Variants in STAC2 observed in about 807,000 individuals in gnomAD.
The protein encoded by STAC2 is SH3 and cysteine rich domain 2.
STAC2 carries 36 observed loss-of-function variants against 49.0 expected under a neutral mutation model. That is an observed-to-expected ratio of 0.74 (90% CI 0.56 to 0.97). The LOEUF (loss-of-function observed/expected upper bound fraction) is 0.97. Ranked by LOEUF, STAC2 falls within the 50% of genes least tolerant of loss-of-function variation. STAC2 has a pLI of 0.00. For synonymous variants in STAC2, 239 were observed against 214.7 expected (o/e 1.11, Z -0.99); for missense variants, 527 against 543.8 (o/e 0.97, Z 0.31).
At chr17:39,215,342 C>T in intron 4 of STAC2, 112 bp from the exon 5 acceptor site, 1 of 1,042,358 alleles carries the variant, frequency 9.6e-7, no homozygotes, top group Non-Finnish European at 1.4e-6. Flanking sequence ...CCTGTCCCTC[C>T]CAGGTCTTCC....
chr17:39,218,604 G>T lies in STAC2; in HGVS notation c.91-431C>A, dbSNP rs567236531. Among the ~76,000 whole-genome samples, 6 of 152,266 alleles carry T rather than the reference G, an allele frequency of 3.9e-5. No individual in the cohort carries two copies. The South Asian group carries it at 1.0e-3, about 26-fold the overall frequency. On this transcript the variant is annotated intron_variant, in intron 1 of 10. Coordinates refer to ENST00000333461, the MANE Select transcript of STAC2 (RefSeq NM_198993.5). ...AATTCCATTTTTCTTTGAAGAAATG[G>T]TAGTATACTATATTTCCTGTGCCTT... is the stretch of plus-strand genomic sequence containing the variant.
chr17:39,215,726 C>T (rs886823224), intron 4 of STAC2, among the ~76,000 whole-genome samples: 4 of 151,994 alleles, frequency 2.6e-5, no homozygotes, highest in Admixed American at 6.6e-5. Context: ...TTTTTCGAGA[C>T]GGAGTCTCGC....
intron 4 of STAC2, among the ~76,000 whole-genome samples, chr17:39,215,786 C>A (rs1297478128): frequency 6.6e-6 from 1 of 152,212 alleles, no homozygotes; most frequent in Non-Finnish European, 1.5e-5. Flanking sequence ...TTACTGCAAC[C>A]TCCGCCTCCT....
intron 1 of STAC2, among the ~76,000 whole-genome samples, chr17:39,219,132 C>T (rs1415341188): frequency 6.6e-6 from 1 of 152,126 alleles, no homozygotes; most frequent in Non-Finnish European, 1.5e-5. Flanking sequence ...AAAACTCTTC[C>T]TAGCTCCTCG....
chr17:39,213,088 C>A lies in STAC2; in HGVS notation c.1038G>T (p.Val346=). 1 of 1,612,924 alleles carries A rather than the reference C, an allele frequency of 6.2e-7. No homozygotes were observed. The highest frequency in any genetic ancestry group is 8.5e-7 in the Non-Finnish European group (1 of 1,180,028). Reference sequence around the variant, plus strand: ...CATTCTCGCCTGGCCTCACCCGTTGCACAAAATTAGCTGGGAAGAAGCCAA... The same window carrying A: ...CATTCTCGCCTGGCCTCACCCGTTGAACAAAATTAGCTGGGAAGAAGCCAA... ...DRVGFFPANF[V]QRVRPGENVW... The change falls in exon 10 of 11, where the codon GTG becomes GTT. Residue 346 remains valine, a synonymous_variant. Coordinates refer to ENST00000333461, the MANE Select transcript of STAC2 (RefSeq NM_198993.5).
At chr17:39,220,799 T>C (rs1485010570) in intron 1 of STAC2, among the ~76,000 whole-genome samples, 1 of 149,914 alleles carries the variant, frequency 6.7e-6, no homozygotes, top group Admixed American at 6.7e-5. Context: ...ATTTTACTTA[T>C]TTATTTATTT....
rs369647071 is a variant in STAC2 at position 39,217,073 on chromosome 17, C to T, written c.495+3G>A. 303 of 1,613,816 alleles carry T rather than the reference C, an allele frequency of 1.9e-4. 1 individual carries two copies. Among genetic ancestry groups the T allele is most frequent in the Non-Finnish European group, 2.4e-4 (282 of 1,179,798 alleles). ...GGCCATCTCTGCCTGGGTCCCCGCTCACCGTCTTGCCTGGGCATTGCTGGT... is the reference window on the plus strand; with the variant it reads ...GGCCATCTCTGCCTGGGTCCCCGCTTACCGTCTTGCCTGGGCATTGCTGGT... On this transcript the variant is annotated splice_donor_region_variant and intron_variant, in intron 3 of 10. Coordinates refer to ENST00000333461, the MANE Select transcript of STAC2 (RefSeq NM_198993.5).
intron 1 of STAC2, among the ~76,000 whole-genome samples, chr17:39,218,404 G>T (rs1291673207): frequency 6.6e-6 from 1 of 152,186 alleles, no homozygotes; most frequent in Non-Finnish European, 1.5e-5. Flanking sequence ...ATGGAGAAAG[G>T]AGTTCTGGCC....
At position 39,212,263 on chromosome 17, in the gene STAC2, G is replaced by A. The variant is rs1410949910; in HGVS notation, c.*29C>T. The A allele has an allele frequency of 2.6e-6, 4 of 1,552,070 alleles. No homozygotes were observed. Among genetic ancestry groups the A allele is most frequent in the Middle Eastern group, 1.7e-4 (1 of 5,976 alleles). On this transcript the variant is annotated 3_prime_UTR_variant, in exon 11 of 11. Coordinates refer to ENST00000333461, the MANE Select transcript of STAC2 (RefSeq NM_198993.5). ...AGAAGCAAGGTCCAGGCATGGGCAA[G>A]GGTGTCATCTGGGTTCCCTTGGCTC...
Position 39,214,255 on chromosome 17 carries a change from C to T in STAC2, c.919G>A (p.Glu307Lys), listed in dbSNP as rs749891928. Residue 307 changes from glutamate (E) to lysine (K), a missense_variant, in exon 8 of 11, where the codon GAG (glutamate) becomes AAG (lysine). Physicochemically the swap from Glu to Lys is moderately conservative, Grantham distance 56. Coordinates refer to ENST00000333461, the MANE Select transcript of STAC2 (RefSeq NM_198993.5). ...YVALYKFLPQ[E>K]NNDLALQPGD... ...TACTGCAGAGCCAGATCATTGTTCT[C>T]CTGGGGCAGAAACTTGTAGAGTGCA... The T allele has an allele frequency of 6.2e-7, 1 of 1,614,008 alleles. No homozygotes were observed. Among genetic ancestry groups the T allele is most frequent in the South Asian group, 1.1e-5 (1 of 91,084 alleles).
rs35196013 is a variant in STAC2 at position 39,225,187 on chromosome 17, A to G, written c.90+226T>C. On this transcript the variant is annotated intron_variant, in intron 1 of 10. Coordinates refer to ENST00000333461, the MANE Select transcript of STAC2 (RefSeq NM_198993.5). The surrounding 1 kb of genome is among the most constrained non-coding windows in gnomAD (Gnocchi z 8.2). ...AACGAAGACCAGTGGCCGCCTCCCC[A>G]GAAGGTCGCGATGGCGCGCGCGGGC... 4.1e-3 allele frequency among the ~76,000 whole-genome samples: 621 copies of G among 151,082 alleles called. 4 individuals are homozygous for G. Among genetic ancestry groups the G allele is most frequent in the African/African-American group, 0.015 (589 of 40,506 alleles).
intron 1 of STAC2, among the ~76,000 whole-genome samples, chr17:39,220,016 G>C (rs1298752270): frequency 6.6e-6 from 1 of 152,224 alleles, no homozygotes; most frequent in Non-Finnish European, 1.5e-5. Flanking sequence ...GGGAAGCAGA[G>C]GGGATGTTTG....
chr17:39,215,446 T>C (rs1484120842), intron 4 of STAC2, among the ~76,000 whole-genome samples: 1 of 152,170 alleles, frequency 6.6e-6, no homozygotes, highest in Non-Finnish European at 1.5e-5. Context: ...CCACAGCCAC[T>C]CTGCCACCTA....
chr17:39,220,835 C>A (rs958120037), intron 1 of STAC2, among the ~76,000 whole-genome samples: 1 of 151,628 alleles, frequency 6.6e-6, no homozygotes, highest in Non-Finnish European at 1.5e-5. Context: ...TTCACTCTGT[C>A]GCCCAGGCTG....
chr17:39,217,210 C>T (rs754931107), intron 2 of STAC2, 37 bp from the exon 3 acceptor site: 1 of 1,597,922 alleles, frequency 6.3e-7, no homozygotes, highest in Admixed American at 1.7e-5. Flanking sequence ...GAGGACACCC[C>T]CGTGGGCAAC....
chr17:39,213,762 C>T (rs2046376217), intron 8 of STAC2, among the ~76,000 whole-genome samples: 1 of 151,624 alleles, frequency 6.6e-6, no homozygotes, highest in African/African-American at 2.4e-5. Context: ...CTGCAACCTC[C>T]ACCTTCCGGG....
rs1485457170 is a variant in STAC2, at chr17:39,225,205, G to A, written c.90+208C>T. On this transcript the variant is annotated intron_variant, in intron 1 of 10. Transcript: ENST00000333461. This position sits in a 1 kb window ranked among gnomAD's most constrained non-coding sequence, Gnocchi z 8.2. ...CCTCCCCAGAAGGTCGCGATGGCGC[G>A]CGCGGGCGTGCGGTGCCGGTGTGAT... is the stretch of plus-strand genomic sequence containing the variant. Among the ~76,000 whole-genome samples, 4 of 152,168 alleles carry A rather than the reference G, an allele frequency of 2.6e-5. No homozygotes were observed. Among genetic ancestry groups the A allele is most frequent in the Non-Finnish European group, 4.4e-5 (3 of 68,006 alleles).
rs761316262 is a variant in STAC2 at position 39,214,260 on chromosome 17, G to A, written c.914C>T (p.Pro305Leu). Residue 305 changes from proline (P) to leucine (L), a missense_variant, in exon 8 of 11, where the codon CCC (proline) becomes CTC (leucine). Physicochemically the swap from Pro to Leu is moderately conservative, Grantham distance 98. Coordinates refer to ENST00000333461, the MANE Select transcript of STAC2 (RefSeq NM_198993.5). ...CAGAGCCAGATCATTGTTCTCCTGG[G>A]GCAGAAACTTGTAGAGTGCAACGTA... ...YSYVALYKFLPQENNDLALQP... is the reference protein window; with the variant it reads ...YSYVALYKFLLQENNDLALQP... 7 of 1,613,862 alleles carry A rather than the reference G, an allele frequency of 4.3e-6. No individual in the cohort carries two copies. Among genetic ancestry groups the A allele is most frequent in the Non-Finnish European group, 5.9e-6 (7 of 1,179,956 alleles).
Position 39,217,979 on chromosome 17 carries a change from T to C in STAC2, c.285A>G (p.Pro95=), listed in dbSNP as rs1395367652. 6.8e-7 allele frequency: 1 copy of C among 1,463,130 alleles called. No homozygotes were observed. The highest frequency in any genetic ancestry group is 9.1e-7 in the Non-Finnish European group (1 of 1,094,776). The allele number at this position is 1,463,130 out of a possible 1,614,324, so 90.6% of individuals were successfully genotyped here. A position where few individuals can be genotyped will look rare whatever the true frequency, so the allele number is the denominator to read the frequency against. The part of the protein sequence containing the change: ...DRGLATPSPS[P]CPVPRPLAAL... ...CTGCCAGGGGGCGTGGGACTGGGCATGGGGAGGGGGATGGGGTAGCCAGGC... is the reference window on the plus strand; with the variant it reads ...CTGCCAGGGGGCGTGGGACTGGGCACGGGGAGGGGGATGGGGTAGCCAGGC... Residue 95 remains proline (P), a synonymous_variant, in exon 2 of 11, where the codon CCA becomes CCG. Coordinates refer to ENST00000333461, the MANE Select transcript of STAC2 (RefSeq NM_198993.5).
Sources: allele counts gnomAD v4.1 joint callset (sites outside exome capture counted in the v4.1 genomes callset), GRCh38; gene constraint gnomAD v4.1.1; non-coding constraint Gnocchi (gnomAD v3.1); transcripts MANE v1.5; gene names NCBI Gene and HGNC (gene_info 2026-07-23, HGNC 2026-07-21).